E2F7: variants seen among roughly 807,000 people sequenced by gnomAD.
The protein encoded by E2F7 is E2F transcription factor 7.
E2F7 carries 35 observed loss-of-function variants against 81.1 expected under a neutral mutation model. The ratio of observed to expected loss-of-function variants is 0.43; its 90% CI spans 0.33 to 0.57. The LOEUF (loss-of-function observed/expected upper bound fraction) is 0.57, where lower values mean the gene tolerates loss of function less well. Ranked by LOEUF, E2F7 falls within the 20% of genes least tolerant of loss-of-function variation. The pLI is 0.04. For synonymous variants in E2F7, 416 were observed against 416.2 expected (o/e 1.00, Z 0.01); for missense variants, 961 against 1,093.7 (o/e 0.88, Z 1.71).
rs996393094 is a variant in E2F7, at chr12:77,026,078, A to C, written c.2141-96T>G. 3.7e-6 allele frequency: 5 copies of C among 1,364,292 alleles called. No individual in the cohort carries two copies. In the African/African-American group the frequency reaches 7.3e-5, roughly 20 times the overall value. 84.5% of individuals were successfully genotyped at this position (1,364,292 alleles called of 1,614,324 possible). Reference sequence around the variant, plus strand: ...TCATGGCCCTTTCAAACGGGAGTCCACAATAAATCAATGAATGATGAGACC... The same window carrying C: ...TCATGGCCCTTTCAAACGGGAGTCCCCAATAAATCAATGAATGATGAGACC... On this transcript the variant is annotated intron_variant, in intron 11 of 12. Coordinates refer to ENST00000322886, the MANE Select transcript of E2F7 (RefSeq NM_203394.3).
chr12:77,040,433 T>A (rs181332070), intron 7 of E2F7, among the ~76,000 whole-genome samples: 1 of 152,320 alleles, frequency 6.6e-6, no homozygotes, highest in East Asian at 1.9e-4. Context: ...GAGTACCGCC[T>A]GATTCATCTG....
At chr12:77,047,049 C>T (rs1394188984) in intron 4 of E2F7, among the ~76,000 whole-genome samples, 2 of 152,158 alleles carry the variant, frequency 1.3e-5, no homozygotes, top group South Asian at 2.1e-4. Context: ...ACCCGGCAAA[C>T]AGCCCAAAAG....
intron 2 of E2F7, among the ~76,000 whole-genome samples, chr12:77,061,168 C>A (rs1211796352): frequency 2.0e-5 from 3 of 152,164 alleles, no homozygotes; most frequent in Admixed American, 6.5e-5. Context: ...GCTTTAAAAT[C>A]AACCTGTATG....
At position 77,057,091 on chromosome 12, in the gene E2F7, A is replaced by T. The variant is rs578092905; in HGVS notation, c.94-961T>A. Reference sequence around the variant, plus strand: ...TTTTGGAGATAGGGTCTCACTCTGTAACCCAGGCTGGAGGGCAGTGGCATG... The same window carrying T: ...TTTTGGAGATAGGGTCTCACTCTGTTACCCAGGCTGGAGGGCAGTGGCATG... On this transcript the variant is annotated intron_variant, in intron 2 of 12. Transcript: ENST00000322886. Among the ~76,000 whole-genome samples the T allele has an allele frequency of 3.3e-5, 5 of 152,006 alleles. No homozygotes were observed. The South Asian group carries it at 1.0e-3, about 32-fold the overall frequency.
chr12:77,033,071 T>C lies in E2F7; in HGVS notation c.1361A>G (p.Gln454Arg). 6.2e-7 allele frequency: 1 copy of C among 1,613,634 alleles called. No homozygotes were observed. The highest frequency in any genetic ancestry group is 2.2e-5 in the East Asian group (1 of 44,856). ...TTACTGTGAATTGTCTTCTATTTTC[T>C]GTCTATAGACAGCTGCCAGGCTTCC... ...EIGSLAAVYR[Q>R]KIEDNSQGKA... Residue 454 changes from glutamine to arginine, a missense_variant, in exon 9 of 13, where the codon CAG becomes CGG. This residue lies in a region of E2F7 where 587 missense variants were observed against 620.3 expected (regional missense o/e 0.95). Coordinates refer to ENST00000322886, the MANE Select transcript of E2F7 (RefSeq NM_203394.3).
intron 2 of E2F7, among the ~76,000 whole-genome samples, chr12:77,062,018 C>G (rs553668145): frequency 6.6e-6 from 1 of 152,282 alleles, no homozygotes; most frequent in African/African-American, 2.4e-5. Flanking sequence ...GTAATTTGTT[C>G]CTACTCCTAG....
At chr12:77,033,255 C>T (rs1187409132) in intron 8 of E2F7, 133 bp from the exon 9 acceptor site, 1 of 813,136 alleles carries the variant, frequency 1.2e-6, no homozygotes, top group Non-Finnish European at 1.8e-6. Context: ...GGTTTTGATT[C>T]AAAGAGAAAT....
intron 12 of E2F7, 25 bp from the exon 13 acceptor site, chr12:77,024,210 AGAAGT>A: frequency 6.2e-7 from 1 of 1,607,890 alleles, no homozygotes; most frequent in Non-Finnish European, 8.5e-7. Context: ...AAGAAAAAAC[AGAAGT>A]GAAGTCATAT....
Position 77,025,545 on chromosome 12 carries a change from CT to C in E2F7, c.2565+12del. On this transcript the variant is annotated intron_variant, in intron 12 of 12. Transcript: ENST00000322886. Reference sequence around the variant, plus strand: ...CCAGAGTGACAGTGTCTTCAGGAAACTTCAGGCCTCACCTGATGTAATTTTA... The same window carrying C: ...CCAGAGTGACAGTGTCTTCAGGAAACTCAGGCCTCACCTGATGTAATTTTA... 6.2e-7 allele frequency: 1 copy of C among 1,612,950 alleles called. No homozygotes were observed. Among genetic ancestry groups the C allele is most frequent in the Non-Finnish European group, 8.5e-7 (1 of 1,179,136 alleles).
At chr12:77,024,363 A>G (rs1045107377) in intron 12 of E2F7, among the ~76,000 whole-genome samples, 178 bp from the exon 13 acceptor site, 22 of 152,022 alleles carry the variant, frequency 1.4e-4, no homozygotes, top group Admixed American at 2.0e-4. Context: ...TGAAAATTAA[A>G]TTCATATTTG....
rs1352985068 is a variant in E2F7 at position 77,046,923 on chromosome 12, G to A, written c.539-595C>T. ...TGAACTGGAAATGCAGGTGTCAAGGGCTTGAATACCCTTCTCATATTGCTG... is the reference window on the plus strand; with the variant it reads ...TGAACTGGAAATGCAGGTGTCAAGGACTTGAATACCCTTCTCATATTGCTG... On this transcript the variant is annotated intron_variant, in intron 4 of 12. Coordinates refer to ENST00000322886, the MANE Select transcript of E2F7 (RefSeq NM_203394.3). Among the ~76,000 whole-genome samples the A allele has an allele frequency of 2.6e-5, 4 of 152,202 alleles. No individual in the cohort carries two copies. In the East Asian group the frequency reaches 5.8e-4, roughly 22 times the overall value.
At chr12:77,055,748 G>T in intron 3 of E2F7, 107 bp downstream of exon 3, 2 of 1,312,904 alleles carry the variant, frequency 1.5e-6, no homozygotes, top group Non-Finnish European at 2.1e-6. Context: ...GTTTGCCACT[G>T]CTTTTGGCTC....
At chr12:77,042,931 G>C in intron 7 of E2F7, 134 bp downstream of exon 7, 2 of 1,375,120 alleles carry the variant, frequency 1.5e-6, no homozygotes, top group East Asian at 2.3e-5. Flanking sequence ...ACTGTTCCAA[G>C]AGTGGAGTCA....
intron 2 of E2F7, among the ~76,000 whole-genome samples, chr12:77,059,018 G>A (rs1202192607): frequency 6.6e-6 from 1 of 152,204 alleles, no homozygotes; most frequent in Non-Finnish European, 1.5e-5. Context: ...CCTCATGGTG[G>A]AGGGTGTGGT....
intron 7 of E2F7, among the ~76,000 whole-genome samples, chr12:77,036,255 A>T (rs1954848986): frequency 6.6e-6 from 1 of 152,224 alleles, no homozygotes; most frequent in African/African-American, 2.4e-5. Flanking sequence ...AACCAATCAT[A>T]GAGAGAAACT....
At chr12:77,029,692 C>A in intron 10 of E2F7, 139 bp downstream of exon 10, 1 of 1,379,316 alleles carries the variant, frequency 7.2e-7, no homozygotes. Flanking sequence ...CAGAGCCACT[C>A]CAGTGCTTAA....
intron 1 of E2F7, 105 bp from the exon 2 acceptor site, chr12:77,064,740 C>T: frequency 5.1e-6 from 5 of 971,462 alleles, no homozygotes; most frequent in Non-Finnish European, 7.9e-6. Context: ...TGAAATTCCC[C>T]CTTCTCTAAG....
intron 5 of E2F7, 86 bp from the exon 6 acceptor site, chr12:77,044,881 C>T: frequency 6.8e-7 from 1 of 1,460,338 alleles, no homozygotes; most frequent in Non-Finnish European, 9.2e-7. Flanking sequence ...ATGATCTAGC[C>T]CTATCAGCAG....
intron 9 of E2F7, among the ~76,000 whole-genome samples, 162 bp from the exon 10 acceptor site, chr12:77,030,494 C>T (rs1249535290): frequency 6.6e-6 from 1 of 152,126 alleles, no homozygotes; most frequent in Non-Finnish European, 1.5e-5. Flanking sequence ...CAGAGTTAGA[C>T]GCCCAGGTAT....
Sources: gnomAD v4.1 joint callset for allele counts (sites outside exome capture counted in the v4.1 genomes callset) on GRCh38, gnomAD v4.1.1 for gene constraint, gnomAD v4.1.1 regional missense constraint, MANE v1.5 for transcripts, NCBI Gene and HGNC (gene_info 2026-07-23, HGNC 2026-07-21) for gene names.